Variants in IL36B observed in about 807,000 individuals in gnomAD.
IL36B encodes the protein interleukin 36 beta.
IL36B carries 23 observed loss-of-function variants against 19.3 expected under a neutral mutation model. That is an observed-to-expected ratio of 1.19 (90% CI 0.86 to 1.69). IL36B has a LOEUF of 1.69. Ranked by LOEUF, IL36B falls within the 40% of genes most tolerant of loss-of-function variation. The pLI is 0.00. For synonymous variants in IL36B, 59 were observed against 59.7 expected (o/e 0.99, Z 0.05); for missense variants, 217 against 200.5 (o/e 1.08, Z -0.50).
At chr2:113,024,469 G>A (rs1012879862) in intron 5 of IL36B, among the ~76,000 whole-genome samples, 2 of 152,184 alleles carry the variant, frequency 1.3e-5, no homozygotes, top group African/African-American at 4.8e-5. Flanking sequence ...CATTGTTTGG[G>A]AAGTGCCTTC....
At chr2:113,043,573 T>G (rs10175899) in intron 1 of IL36B, among the ~76,000 whole-genome samples, 1 of 151,950 alleles carries the variant, frequency 6.6e-6, no homozygotes, top group Non-Finnish European at 1.5e-5. Context: ...TTGTTGTTGT[T>G]GTTTTTAAGA....
intron 3 of IL36B, among the ~76,000 whole-genome samples, 179 bp downstream of exon 3, chr2:113,030,869 A>G (rs1298689085): frequency 6.6e-6 from 1 of 152,172 alleles, no homozygotes; most frequent in East Asian, 1.9e-4. Flanking sequence ...ATTTCTAGAT[A>G]TGGGATTTCC....
intron 1 of IL36B, among the ~76,000 whole-genome samples, chr2:113,033,518 C>G (rs958332668): frequency 1.1e-4 from 16 of 152,176 alleles, no homozygotes; most frequent in African/African-American, 3.1e-4. Context: ...GGATTACAGG[C>G]GTGAGCCACT....
intron 4 of IL36B, 120 bp downstream of exon 5, chr2:113,027,313 G>A (rs964506156): frequency 3.1e-5 from 8 of 255,620 alleles, no homozygotes; most frequent in Non-Finnish European, 4.9e-5. Flanking sequence ...GACATTTGGT[G>A]TAACTTTTAT....
At chr2:113,047,842 G>T (rs573132447) in intron 1 of IL36B, among the ~76,000 whole-genome samples, 3 of 151,814 alleles carry the variant, frequency 2.0e-5, no homozygotes, top group Non-Finnish European at 4.4e-5. Context: ...GGAAGCCCTG[G>T]ACTAACCAAT....
chr2:113,027,836 C>A (rs531495605), intron 4 of IL36B: 1 of 1,584,596 alleles, frequency 6.3e-7, no homozygotes, highest in South Asian at 1.2e-5. Flanking sequence ...GCATAATGAT[C>A]TGTTAAGATG....
chr2:113,041,929 C>T lies in IL36B; in HGVS notation c.-57-10163G>A, dbSNP rs568181887. Among the ~76,000 whole-genome samples, 18 of 152,212 alleles carry T rather than the reference C, an allele frequency of 1.2e-4. No individual in the cohort carries two copies. In the South Asian group the frequency reaches 3.3e-3, roughly 28 times the overall value. On this transcript the variant is annotated intron_variant, in intron 1 of 5. Coordinates refer to ENST00000259213, the MANE Select transcript of IL36B (RefSeq NM_014438.5). ...GGCTGGCTTTCTGGGATGATGGTGACGAGGTCTCAGTGCCTGGAAAGGGGG... is the reference window on the plus strand; with the variant it reads ...GGCTGGCTTTCTGGGATGATGGTGATGAGGTCTCAGTGCCTGGAAAGGGGG...
At chr2:113,027,649 G>A in intron 4 of IL36B, 5 of 1,317,688 alleles carry the variant, frequency 3.8e-6, no homozygotes, top group Non-Finnish European at 4.9e-6. Context: ...TGGCAGCTGA[G>A]TGGATGGTGG....
At position 113,031,387 on chromosome 2, in the gene IL36B, T is replaced by C. The variant is rs35513679; in HGVS notation, c.14-232A>G. Reference sequence around the variant, plus strand: ...CCCAAGATTCACCTTTTTCTAGGGCTATTAGTGACTTGTCTTTTTCCGAAT... The same window carrying C: ...CCCAAGATTCACCTTTTTCTAGGGCCATTAGTGACTTGTCTTTTTCCGAAT... On this transcript the variant is annotated intron_variant, in intron 2 of 5. Coordinates refer to ENST00000259213, the MANE Select transcript of IL36B (RefSeq NM_014438.5). Among the ~76,000 whole-genome samples, 682 of 152,272 alleles carry C rather than the reference T, an allele frequency of 4.5e-3. 5 individuals are homozygous for C. Among genetic ancestry groups the C allele is most frequent in the African/African-American group, 0.016 (645 of 41,542 alleles).
chr2:113,030,377 G>T (rs2105043617), intron 3 of IL36B, among the ~76,000 whole-genome samples: 1 of 152,274 alleles, frequency 6.6e-6, no homozygotes, highest in South Asian at 2.1e-4. Context: ...AAGGTTGGGG[G>T]GGAGTAGGAA....
In IL36B at chr2:113,039,277, G is replaced by A. The variant is rs1383190334; in HGVS notation, c.-57-7511C>T. ...CAATTATAAGACAAAAAGATCCCCA[G>A]GGTGTCCCAGTCACAAAACTCAGGG... On this transcript the variant is annotated intron_variant, in intron 1 of 5. Transcript: ENST00000259213. Among the ~76,000 whole-genome samples the A allele has an allele frequency of 1.3e-5, 2 of 152,090 alleles. 1 individual carries two copies. The highest frequency in any genetic ancestry group is 1.3e-4 in the Admixed American group (2 of 15,246).
chr2:113,030,958 G>T, intron 3 of IL36B, 90 bp downstream of exon 3: 1 of 933,744 alleles, frequency 1.1e-6, no homozygotes, highest in Non-Finnish European at 1.7e-6. Flanking sequence ...AGTGGGTGAG[G>T]TCCAGGGCCA....
chr2:113,026,088 G>T, intron 5 of IL36B: 2 of 1,612,516 alleles, frequency 1.2e-6, no homozygotes, highest in Non-Finnish European at 1.7e-6. Flanking sequence ...ATGGATAAGA[G>T]AATTTGCTCC....
rs989372168 is a variant in IL36B at position 113,027,994 on chromosome 2, G to A, written c.261+945C>T. ...GGGCTGTCCTGATGTGGTGGAGGTG[G>A]CTATGAACCAGCCAGGGTAAGAGAC... On this transcript the variant is annotated intron_variant, in intron 4 of 5. Coordinates refer to ENST00000259213, the MANE Select transcript of IL36B (RefSeq NM_014438.5). 4 of 1,614,030 alleles carry A rather than the reference G, an allele frequency of 2.5e-6. No individual in the cohort carries two copies. In the African/African-American group the frequency reaches 5.3e-5, roughly 22 times the overall value.
At chr2:113,030,738 G>T (rs1306300887) in intron 3 of IL36B, among the ~76,000 whole-genome samples, 1 of 152,168 alleles carries the variant, frequency 6.6e-6, no homozygotes, top group Non-Finnish European at 1.5e-5. Flanking sequence ...AGGTAGCAAT[G>T]GTTGGAACCT....
chr2:113,044,130 C>T (rs2105055036), intron 1 of IL36B, among the ~76,000 whole-genome samples: 1 of 152,198 alleles, frequency 6.6e-6, no homozygotes, highest in South Asian at 2.1e-4. Flanking sequence ...TTGGGCCTTT[C>T]AAAAACTTTC....
chr2:113,044,910 A>G (rs1361065689), intron 1 of IL36B, among the ~76,000 whole-genome samples: 3 of 152,156 alleles, frequency 2.0e-5, no homozygotes, highest in Non-Finnish European at 4.4e-5. Flanking sequence ...GAATTACAGT[A>G]TCCATCTTTA....
At position 113,032,086 on chromosome 2, in the gene IL36B, T is replaced by C. The variant is rs35797500; in HGVS notation, c.-57-320A>G. On this transcript the variant is annotated intron_variant, in intron 1 of 5. Coordinates refer to ENST00000259213, the MANE Select transcript of IL36B (RefSeq NM_014438.5). ...CACGGGCACCTTCTAGTACTCTGAGTCTCTGGGTTGAGAGGAAGGAGGGAG... is the reference window on the plus strand; with the variant it reads ...CACGGGCACCTTCTAGTACTCTGAGCCTCTGGGTTGAGAGGAAGGAGGGAG... 3.6e-3 allele frequency among the ~76,000 whole-genome samples: 551 copies of C among 151,830 alleles called. 4 individuals carry two copies. Among genetic ancestry groups the C allele is most frequent in the African/African-American group, 0.013 (520 of 41,354 alleles).
intron 1 of IL36B, among the ~76,000 whole-genome samples, chr2:113,044,467 A>G (rs1411317247): frequency 6.6e-6 from 1 of 151,546 alleles, no homozygotes; most frequent in African/African-American, 2.4e-5. Context: ...TATTTTTTTT[A>G]TTTTTTGTAA....
Sources: gnomAD v4.1 joint callset for allele counts (sites outside exome capture counted in the v4.1 genomes callset) on GRCh38, gnomAD v4.1.1 for gene constraint, MANE v1.5 for transcripts, NCBI Gene and HGNC (gene_info 2026-07-23, HGNC 2026-07-21) for gene names.